DNAH14: variants seen among roughly 807,000 people sequenced by gnomAD.
The protein encoded by DNAH14 is dynein axonemal heavy chain 14.
In DNAH14, 478 loss-of-function variants were observed where a neutral mutation model predicts 520.9. The observed-to-expected ratio is 0.92, with a 90% CI of 0.85 to 0.99. The LOEUF (loss-of-function observed/expected upper bound fraction) is 0.99. Ranked by LOEUF, DNAH14 falls within the 50% of genes least tolerant of loss-of-function variation. DNAH14 has a pLI of 0.00. For missense variants in DNAH14, 4,831 were observed against 5,234.5 expected, an observed-to-expected ratio of 0.92 and a Z score of 2.38; for synonymous variants, 1,581 against 1,757.2, an observed-to-expected ratio of 0.90 and a Z score of 2.51.
chr1:224,939,398 T>C (rs1333990983), intron 1 of DNAH14, among the ~76,000 whole-genome samples: 3 of 152,136 alleles, frequency 2.0e-5, no homozygotes, highest in Non-Finnish European at 2.9e-5. Context: ...CGGCCGGGTG[T>C]GGTGGCTCAT....
chr1:225,257,196 G>A (rs2092767984), intron 44 of DNAH14, among the ~76,000 whole-genome samples: 1 of 152,190 alleles, frequency 6.6e-6, no homozygotes, highest in Admixed American at 6.5e-5. Context: ...CCTCTCCGGG[G>A]TTAGGGCATC....
rs1337383400 is a variant in DNAH14, at chr1:225,123,615, G to A, written c.4254+1G>A. The stretch of plus-strand genomic sequence containing the variant: ...TCCAGGACAAGTGGTACTTACTGTG[G>A]TAAGTTAATGCTGCTTTGATGTATG... On this transcript the variant is annotated splice_donor_variant, in intron 27 of 85. Coordinates refer to ENST00000682510, the MANE Select transcript of DNAH14 (RefSeq NM_001367479.1). LOFTEE classifies it high-confidence loss of function. 2.4e-6 allele frequency: 1 copy of A among 414,164 alleles called. No homozygotes were observed. The highest frequency in any genetic ancestry group is 5.1e-6 in the Non-Finnish European group (1 of 197,898). The allele number at this position is 414,164 out of a possible 1,614,324, so 25.7% of individuals were successfully genotyped here.
intron 34 of DNAH14, among the ~76,000 whole-genome samples, chr1:225,154,074 GA>G (rs1296312480): frequency 5.9e-5 from 9 of 151,642 alleles, no homozygotes; most frequent in Admixed American, 1.3e-4. Flanking sequence ...AGATATAATG[GA>G]AAAAAAGACC....
chr1:225,258,155 T>C (rs2092806958), intron 45 of DNAH14, 37 bp downstream of exon 45: 13 of 1,433,108 alleles, frequency 9.1e-6, no homozygotes, highest in Non-Finnish European at 1.2e-5. Context: ...AATTTCAGAG[T>C]TAGAAAAAGA....
Position 225,192,924 on chromosome 1 carries a change from T to C in DNAH14, c.5886+13T>C, listed in dbSNP as rs1253741766. 2 of 1,525,440 alleles carry C rather than the reference T, an allele frequency of 1.3e-6. No individual in the cohort carries two copies. Among genetic ancestry groups the C allele is most frequent in the Admixed American group, 4.0e-5 (2 of 50,268 alleles). The allele number at this position is 1,525,440 out of a possible 1,614,324, so 94.5% of individuals were successfully genotyped here. On this transcript the variant is annotated intron_variant, in intron 38 of 85. Transcript: ENST00000682510. ...AGATTTATCCAATGTAAGTTTAGTA[T>C]TGAATGAATGTTTTTATTTAACTAA...
intron 58 of DNAH14, among the ~76,000 whole-genome samples, chr1:225,306,038 T>C (rs2094234364): frequency 6.6e-6 from 1 of 152,200 alleles, no homozygotes; most frequent in African/African-American, 2.4e-5. Flanking sequence ...CATTGCACCT[T>C]CTCTGTCTCA....
chr1:225,360,578 C>G, intron 74 of DNAH14, 103 bp from the exon 75 acceptor site: 1 of 1,124,028 alleles, frequency 8.9e-7, no homozygotes, highest in South Asian at 1.6e-5. Context: ...TCCGCTATGA[C>G]TATACCTTTT....
intron 42 of DNAH14, among the ~76,000 whole-genome samples, chr1:225,233,380 TAC>T (rs1333240740): frequency 6.6e-6 from 1 of 152,168 alleles, no homozygotes; most frequent in Non-Finnish European, 1.5e-5. Context: ...GAGGAATCAC[TAC>T]ACAGTCTTCC....
intron 11 of DNAH14, chr1:225,024,730 A>C (rs555848789): frequency 6.6e-6 from 1 of 152,308 alleles, no homozygotes; most frequent in Non-Finnish European, 1.5e-5. Flanking sequence ...CTATGTAAGA[A>C]CACAACTATT....
intron 12 of DNAH14, among the ~76,000 whole-genome samples, chr1:225,040,817 A>G (rs566339203): frequency 9.5e-4 from 144 of 152,210 alleles, no homozygotes; most frequent in Non-Finnish European, 1.9e-3. Flanking sequence ...TGCTTGTACC[A>G]ATTTCAATGA....
intron 37 of DNAH14, among the ~76,000 whole-genome samples, chr1:225,189,720 T>G (rs1476793399): frequency 4.6e-5 from 7 of 152,008 alleles, no homozygotes; most frequent in Non-Finnish European, 1.0e-4. Flanking sequence ...AACATATATT[T>G]GGATCATGTT....
chr1:225,100,566 TA>T, intron 22 of DNAH14, 146 bp from the exon 23 acceptor site: 1 of 672,958 alleles, frequency 1.5e-6, no homozygotes, highest in East Asian at 3.0e-5. Context: ...AATAGGCACT[TA>T]AAAAGTATCT....
At chr1:225,092,083 A>G (rs910084579) in intron 21 of DNAH14, among the ~76,000 whole-genome samples, 2 of 152,170 alleles carry the variant, frequency 1.3e-5, no homozygotes, top group African/African-American at 2.4e-5. Flanking sequence ...GCAAGTTCTT[A>G]AAGACCTAGG....
In DNAH14 at chr1:225,346,586, G is replaced by A. The variant is rs2095289633; in HGVS notation, c.11228G>A (p.Trp3743Ter). ...DDIGFLPEEEWNIFLYSGILI... is the reference protein window; with the variant it reads ...DDIGFLPEEE The stretch of plus-strand genomic sequence containing the variant: ...ATTGGATTCCTACCAGAAGAAGAAT[G>A]GAACATCTTTTTATATTCTGGCATA... The change falls in exon 71 of 86, where the codon TGG (tryptophan) becomes TAG (stop). Residue 3743 changes from tryptophan to a stop codon, truncating the protein, a stop_gained. Transcript: ENST00000682510. LOFTEE classifies it high-confidence loss of function. 1 of 1,550,478 alleles carries A rather than the reference G, an allele frequency of 6.4e-7. No homozygotes were observed. Among genetic ancestry groups the A allele is most frequent in the South Asian group, 1.2e-5 (1 of 83,996 alleles).
At chr1:225,373,038 G>A (rs1033483378) in intron 77 of DNAH14, among the ~76,000 whole-genome samples, 1 of 152,086 alleles carries the variant, frequency 6.6e-6, no homozygotes, top group Non-Finnish European at 1.5e-5. Flanking sequence ...TTAGTGGCAG[G>A]GATGAGAGAA....
intron 43 of DNAH14, among the ~76,000 whole-genome samples, chr1:225,246,105 CAAAAAA>C (rs140007042): frequency 1.3e-5 from 1 of 77,728 alleles, no homozygotes; most frequent in Non-Finnish European, 2.7e-5. Context: ...ACAAACCTGG[CAAAAAA>C]AAAAAAAAAA....
Position 225,318,638 on chromosome 1 carries a change from C to T in DNAH14, c.9296C>T (p.Ala3099Val), listed in dbSNP as rs988829791. The change falls in exon 61 of 86, where the codon GCT (alanine) becomes GTT (valine). Residue 3099 changes from alanine (A) to valine (V), a missense_variant. Physicochemically the swap from Ala to Val is moderately conservative, Grantham distance 64. Transcript: ENST00000682510. ...VLPAFDKAIVALNALDKADVA... is the reference protein window; with the variant it reads ...VLPAFDKAIVVLNALDKADVA... Reference sequence around the variant, plus strand: ...CCAGCCTTTGACAAGGCAATTGTGGCTCTGAATGCCCTGGATAAAGCTGAT... The same window carrying T: ...CCAGCCTTTGACAAGGCAATTGTGGTTCTGAATGCCCTGGATAAAGCTGAT... 8 of 1,550,278 alleles carry T rather than the reference C, an allele frequency of 5.2e-6. No individual in the cohort carries two copies. Among genetic ancestry groups the T allele is most frequent in the Non-Finnish European group, 7.0e-6 (8 of 1,146,378 alleles).
intron 34 of DNAH14, among the ~76,000 whole-genome samples, chr1:225,159,095 G>A (rs1284279497): frequency 6.6e-6 from 1 of 152,124 alleles, no homozygotes; most frequent in Non-Finnish European, 1.5e-5. Context: ...AATGTCTGGG[G>A]ATTGGTGTTG....
At chr1:225,319,644 T>C (rs1001362524) in intron 61 of DNAH14, among the ~76,000 whole-genome samples, 2 of 152,204 alleles carry the variant, frequency 1.3e-5, no homozygotes, top group Non-Finnish European at 2.9e-5. Flanking sequence ...TTGACTTCTT[T>C]TTCTTTCATT....
Sources: allele counts gnomAD v4.1 joint callset (sites outside exome capture counted in the v4.1 genomes callset), GRCh38; gene constraint gnomAD v4.1.1; transcripts MANE v1.5; gene names NCBI Gene and HGNC (gene_info 2026-07-23, HGNC 2026-07-21).